Variants in PNLIPRP3 observed in about 807,000 individuals in gnomAD.
PNLIPRP3 encodes pancreatic lipase-related protein 3.
In PNLIPRP3, 58 loss-of-function variants were observed where a neutral mutation model predicts 52.8. The observed-to-expected ratio is 1.10, with a 90% confidence interval of 0.89 to 1.37. PNLIPRP3 has a LOEUF of 1.37. Ranked by LOEUF, PNLIPRP3 falls within the 40% of genes most tolerant of loss-of-function variation. The pLI is 0.00. For synonymous variants in PNLIPRP3, 192 were observed against 185.0 expected (o/e 1.04, Z -0.31); for missense variants, 593 against 561.6 (o/e 1.06, Z -0.57).
At chr10:116,430,734 CA>C (rs1845699196) in intron 1 of PNLIPRP3, among the ~76,000 whole-genome samples, 1 of 152,176 alleles carries the variant, frequency 6.6e-6, no homozygotes. Flanking sequence ...ATCTATTACA[CA>C]ACTGCCATAA....
chr10:116,464,751 G>A (rs1258543815), intron 7 of PNLIPRP3, among the ~76,000 whole-genome samples: 3 of 152,228 alleles, frequency 2.0e-5, no homozygotes, highest in African/African-American at 7.2e-5. Context: ...GAGCCTTGAG[G>A]TCTAAGCCCC....
At chr10:116,474,548 C>T (rs1218473034) in intron 10 of PNLIPRP3, among the ~76,000 whole-genome samples, 2 of 152,094 alleles carry the variant, frequency 1.3e-5, no homozygotes, top group Non-Finnish European at 2.9e-5. Context: ...GCAACCTATC[C>T]ATCTGATAAA....
At chr10:116,436,995 A>G in intron 2 of PNLIPRP3, 130 bp downstream of exon 2, 1 of 937,372 alleles carries the variant, frequency 1.1e-6, no homozygotes, top group African/African-American at 1.7e-5. Context: ...ATTTCTTTTC[A>G]GTATTATGAG....
At position 116,471,273 on chromosome 10, in the gene PNLIPRP3, T is replaced by C. The variant is rs113734331; in HGVS notation, c.1061-495T>C. Reference sequence around the variant, plus strand: ...TGTATCTACGTGTACTGGGCATTCTTAGCACATATCCCTGCAGGAGAAGAA... The same window carrying C: ...TGTATCTACGTGTACTGGGCATTCTCAGCACATATCCCTGCAGGAGAAGAA... On this transcript the variant is annotated intron_variant, in intron 9 of 11. Transcript: ENST00000369230. Among the ~76,000 whole-genome samples, 398 of 152,322 alleles carry C rather than the reference T, an allele frequency of 2.6e-3. 3 individuals are homozygous for C. Among genetic ancestry groups the C allele is most frequent in the African/African-American group, 9.2e-3 (383 of 41,580 alleles).
At position 116,461,206 on chromosome 10, in the gene PNLIPRP3, T is replaced by C. The variant is rs758767183; in HGVS notation, c.724T>C (p.Tyr242His). The C allele has an allele frequency of 5.6e-6, 9 of 1,614,076 alleles. No homozygotes were observed. Among genetic ancestry groups the C allele is most frequent in the South Asian group, 1.1e-5 (1 of 91,090 alleles). Reference protein sequence around the residue: ...TIDACGHLDFYPNGGKHMPGC... With the variant: ...TIDACGHLDFHPNGGKHMPGC... ...TGATGCTTGTGGTCATCTTGACTTT[T>C]ACCCAAATGGAGGGAAGCACATGCC... The change falls in exon 7 of 12, where the codon TAC becomes CAC. Residue 242 changes from tyrosine (Y) to histidine (H), a missense_variant. Coordinates refer to ENST00000369230, the MANE Select transcript of PNLIPRP3 (RefSeq NM_001011709.3).
intron 2 of PNLIPRP3, chr10:116,439,936 T>G (rs1252404472): frequency 2.3e-6 from 2 of 868,782 alleles, no homozygotes; most frequent in Non-Finnish European, 2.0e-6. Flanking sequence ...TTCTGCAAAA[T>G]TGACAGGGAC....
chr10:116,456,677 C>G (rs1846119131), intron 5 of PNLIPRP3, among the ~76,000 whole-genome samples: 1 of 152,148 alleles, frequency 6.6e-6, no homozygotes, highest in South Asian at 2.1e-4. Context: ...ATCATGTCTC[C>G]TCCCCACATT....
intron 7 of PNLIPRP3, among the ~76,000 whole-genome samples, chr10:116,461,984 G>A (rs901899519): frequency 2.0e-5 from 3 of 152,114 alleles, no homozygotes; most frequent in Non-Finnish European, 4.4e-5. Flanking sequence ...AGGTTGGAGA[G>A]GGAACCAGGC....
intron 1 of PNLIPRP3, among the ~76,000 whole-genome samples, chr10:116,433,197 T>C (rs956197531): frequency 1.6e-5 from 2 of 123,796 alleles, no homozygotes; most frequent in Non-Finnish European, 3.3e-5. Flanking sequence ...CCAAAGCCAC[T>C]AAGCAAAAGC....
intron 5 of PNLIPRP3, among the ~76,000 whole-genome samples, chr10:116,457,530 A>G (rs4751970): frequency 0.27 from 41,098 of 151,854 alleles, 7,097 homozygotes; most frequent in East Asian, 0.66. Flanking sequence ...TCTTCTCCTA[A>G]CTCTCTGCTC....
At chr10:116,474,384 C>G (rs1477147983) in intron 10 of PNLIPRP3, among the ~76,000 whole-genome samples, 1 of 152,152 alleles carries the variant, frequency 6.6e-6, no homozygotes, top group Non-Finnish European at 1.5e-5. Flanking sequence ...AGGACACAGG[C>G]ACAGGCAAAG....
intron 3 of PNLIPRP3, among the ~76,000 whole-genome samples, chr10:116,443,801 GCATATATATATATATATATA>G (rs1564695654): frequency 3.6e-4 from 4 of 11,144 alleles, no homozygotes; most frequent in Admixed American, 1.4e-3. Context: ...ATGTGTGTGT[GCATATATATATATATATATA>G]TATATATATA....
rs747907448 is a variant in PNLIPRP3 at position 116,476,781 on chromosome 10, A to G, written c.1302A>G (p.Ala434=). 2 of 1,609,046 alleles carry G rather than the reference A, an allele frequency of 1.2e-6. No individual in the cohort carries two copies. Among genetic ancestry groups the G allele is most frequent in the Non-Finnish European group, 8.5e-7 (1 of 1,178,144 alleles). Residue 434 remains alanine (A), a synonymous_variant, in exon 11 of 12, where the codon GCA becomes GCG. Coordinates refer to ENST00000369230, the MANE Select transcript of PNLIPRP3 (RefSeq NM_001011709.3). ...AAGATTCTCAGAATAAGTTGGGAGC[A>G]GAAATGGTGATAAATACATCTGGGA... The part of the protein sequence containing the change: ...LFEDSQNKLG[A]EMVINTSGKY...
intron 4 of PNLIPRP3, among the ~76,000 whole-genome samples, chr10:116,452,560 G>A (rs1213699701): frequency 6.6e-6 from 1 of 152,122 alleles, no homozygotes; most frequent in Non-Finnish European, 1.5e-5. Flanking sequence ...TAAAAGGAAA[G>A]AATGGTTTCA....
chr10:116,443,175 G>A lies in PNLIPRP3; in HGVS notation c.324+1G>A, dbSNP rs767204004. 4 of 1,606,828 alleles carry A rather than the reference G, an allele frequency of 2.5e-6. No individual in the cohort carries two copies. The highest frequency in any genetic ancestry group is 3.4e-6 in the Non-Finnish European group (4 of 1,176,126). On this transcript the variant is annotated splice_donor_variant, in intron 3 of 11. Coordinates refer to ENST00000369230, the MANE Select transcript of PNLIPRP3 (RefSeq NM_001011709.3). LOFTEE classifies it high-confidence loss of function. ...CAAATGGCAGAGAGACATGTGCAAT[G>A]TATGACATGAATAAGCTCCTTTTTA...
chr10:116,442,404 G>T (rs889196648), intron 2 of PNLIPRP3, among the ~76,000 whole-genome samples: 1 of 152,104 alleles, frequency 6.6e-6, no homozygotes, highest in African/African-American at 2.4e-5. Flanking sequence ...ATGCTTCTAG[G>T]CATGTTTTAA....
chr10:116,434,990 C>T (rs58412654), intron 1 of PNLIPRP3, among the ~76,000 whole-genome samples: 3 of 152,212 alleles, frequency 2.0e-5, no homozygotes, highest in African/African-American at 4.8e-5. Flanking sequence ...GAGTAACCTA[C>T]GATGACACTG....
chr10:116,455,439 C>T (rs376626062), intron 4 of PNLIPRP3, among the ~76,000 whole-genome samples: 13 of 152,232 alleles, frequency 8.5e-5, no homozygotes, highest in East Asian at 5.8e-4. Flanking sequence ...CTAGAAGCCA[C>T]GAATATAGTT....
chr10:116,435,535 C>T (rs1401121411), intron 1 of PNLIPRP3, among the ~76,000 whole-genome samples: 1 of 151,860 alleles, frequency 6.6e-6, no homozygotes, highest in East Asian at 1.9e-4. Flanking sequence ...GTGGGATGCG[C>T]TGGGTTATTG....
Sources: gnomAD v4.1 joint callset for allele counts (sites outside exome capture counted in the v4.1 genomes callset) on GRCh38, gnomAD v4.1.1 for gene constraint, MANE v1.5 for transcripts, NCBI Gene and HGNC (gene_info 2026-07-23, HGNC 2026-07-21) for gene names.